GARNL3: variants seen among roughly 807,000 people sequenced by gnomAD.
GARNL3 encodes the protein GTPase activating Rap/RanGAP domain like 3.
GARNL3 carries 63 observed loss-of-function variants against 125.0 expected under a neutral mutation model. The observed-to-expected ratio is 0.50, with a 90% CI of 0.41 to 0.62. The LOEUF (loss-of-function observed/expected upper bound fraction) is 0.62, where lower values mean the gene tolerates loss of function less well. GARNL3 is among the 20% of genes least tolerant of loss of function. The pLI is 0.00. For missense variants in GARNL3, 994 were observed against 1,244.0 expected, an observed-to-expected ratio of 0.80 and a Z score of 3.02; for synonymous variants, 439 against 457.5, an observed-to-expected ratio of 0.96 and a Z score of 0.52.
At chr9:127,270,581 G>A (rs1013124946) in intron 1 of GARNL3, among the ~76,000 whole-genome samples, 5 of 152,106 alleles carry the variant, frequency 3.3e-5, no homozygotes, top group Admixed American at 6.5e-5. Flanking sequence ...GGCTTCTCAC[G>A]GCTGATCTCA....
At chr9:127,279,984 G>A (rs1423995991) in intron 1 of GARNL3, among the ~76,000 whole-genome samples, 1 of 152,220 alleles carries the variant, frequency 6.6e-6, no homozygotes, top group East Asian at 1.9e-4. Context: ...GAGTGAGATA[G>A]GATATTCTCC....
At chr9:127,321,409 C>T (rs1476893439) in intron 6 of GARNL3, among the ~76,000 whole-genome samples, 2 of 152,196 alleles carry the variant, frequency 1.3e-5, no homozygotes, top group African/African-American at 2.4e-5. Context: ...TGAGCCACCA[C>T]GCCCAGCCTG....
At chr9:127,379,880 CAAAAT>C (rs1832144488) in intron 22 of GARNL3, among the ~76,000 whole-genome samples, 1 of 151,892 alleles carries the variant, frequency 6.6e-6, no homozygotes, top group African/African-American at 2.4e-5. Flanking sequence ...GGAGAAATAC[CAAAAT>C]GCTATCAGTA....
chr9:127,368,206 C>T (rs187782848), intron 22 of GARNL3, among the ~76,000 whole-genome samples: 32 of 151,460 alleles, frequency 2.1e-4, no homozygotes, highest in South Asian at 1.3e-3. Context: ...GTGGGGCATT[C>T]GCCGAAGGGG....
At chr9:127,226,019 C>T (rs911837372) in intron 1 of GARNL3, among the ~76,000 whole-genome samples, 15 of 152,338 alleles carry the variant, frequency 9.8e-5, no homozygotes, top group African/African-American at 3.6e-4. Context: ...TCAAGTCGGC[C>T]CTACCATTTT....
At chr9:127,248,234 C>T (rs555586880) in intron 2 of GARNL3, among the ~76,000 whole-genome samples, 8 of 152,294 alleles carry the variant, frequency 5.3e-5, no homozygotes, top group Middle Eastern at 3.4e-3. Flanking sequence ...GTTGGAAGGG[C>T]GGCTGACTCG....
intron 22 of GARNL3, among the ~76,000 whole-genome samples, chr9:127,381,619 TG>T (rs2131809985): frequency 1.3e-5 from 2 of 152,202 alleles, no homozygotes; most frequent in South Asian, 4.1e-4. Context: ...TTTTTTGAGA[TG>T]GAGTCTCGCT....
At chr9:127,306,750 G>A (rs2064967145) in intron 2 of GARNL3, among the ~76,000 whole-genome samples, 1 of 151,558 alleles carries the variant, frequency 6.6e-6, no homozygotes, top group South Asian at 2.1e-4. Flanking sequence ...AAGCTGGTGT[G>A]GTGGCACACA....
chr9:127,383,953 T>C (rs1832408991), intron 23 of GARNL3, among the ~76,000 whole-genome samples: 1 of 152,156 alleles, frequency 6.6e-6, no homozygotes, highest in African/African-American at 2.4e-5. Flanking sequence ...ATATGTTTCA[T>C]AGAAATTCAG....
At chr9:127,390,841 G>T in intron 27 of GARNL3, 74 bp downstream of exon 27, 1 of 1,479,404 alleles carries the variant, frequency 6.8e-7, no homozygotes, top group Non-Finnish European at 9.2e-7. Flanking sequence ...GGCCCCTTCT[G>T]GGGATTGATA....
chr9:127,392,966 G>A lies in GARNL3; in HGVS notation c.2871-117G>A. 2.5e-6 allele frequency: 2 copies of A among 795,710 alleles called. No homozygotes were observed. Among genetic ancestry groups the A allele is most frequent in the Non-Finnish European group, 4.1e-6 (2 of 491,860 alleles). The allele number at this position is 795,710 out of a possible 1,614,324, so 49.3% of individuals were successfully genotyped here. Reference sequence around the variant, plus strand: ...ACTTCCCCACCTCTACCACATAACAGTGAGGGTTTGGTGAGCCAAACTCAT... The same window carrying A: ...ACTTCCCCACCTCTACCACATAACAATGAGGGTTTGGTGAGCCAAACTCAT... On this transcript the variant is annotated intron_variant, in intron 27 of 27. Coordinates refer to ENST00000373387, the MANE Select transcript of GARNL3 (RefSeq NM_032293.5). The surrounding 1 kb of genome is among the most constrained non-coding windows in gnomAD (Gnocchi z 5.2).
At chr9:127,321,159 G>A (rs1378029891) in intron 6 of GARNL3, among the ~76,000 whole-genome samples, 5 of 152,088 alleles carry the variant, frequency 3.3e-5, no homozygotes, top group Non-Finnish European at 7.4e-5. Context: ...TCGAAATGGA[G>A]TTTCACTCTT....
intron 21 of GARNL3, among the ~76,000 whole-genome samples, chr9:127,358,668 A>G (rs986812811): frequency 2.6e-5 from 4 of 152,212 alleles, no homozygotes; most frequent in Admixed American, 2.6e-4. Context: ...ATTATTGATC[A>G]TAGAGTGGTC....
At chr9:127,368,483 A>G (rs1433938909) in intron 22 of GARNL3, among the ~76,000 whole-genome samples, 1 of 151,416 alleles carries the variant, frequency 6.6e-6, no homozygotes, top group African/African-American at 2.4e-5. Flanking sequence ...GGCACGTGGC[A>G]CCACACCCGG....
intron 1 of GARNL3, among the ~76,000 whole-genome samples, chr9:127,232,900 T>C (rs2063044790): frequency 1.3e-5 from 2 of 152,302 alleles, no homozygotes; most frequent in African/African-American, 2.4e-5. Flanking sequence ...AGCAGAAATA[T>C]AGGACTGCTT....
At chr9:127,301,926 T>C (rs13302301) in intron 2 of GARNL3, among the ~76,000 whole-genome samples, 7 of 9,774 alleles carry the variant, frequency 7.2e-4, no homozygotes, top group African/African-American at 5.4e-3. Context: ...TTGGGAGGAC[T>C]TTTTTTTTTT....
upstream of GARNL3, among the ~76,000 whole-genome samples, chr9:127,259,887 AT>A (rs1033238308): frequency 6.1e-4 from 93 of 151,982 alleles, no homozygotes; most frequent in African/African-American, 2.2e-3. Flanking sequence ...ACAAAAAAAA[AT>A]TTTTTTAAAT....
intron 22 of GARNL3, among the ~76,000 whole-genome samples, chr9:127,378,589 A>T (rs1035128266): frequency 1.7e-3 from 1 of 588 alleles, no homozygotes; most frequent in South Asian, 0.25. Context: ...CTCCGTCACA[A>T]AAAAAAAAAA....
At chr9:127,383,646 T>A in intron 23 of GARNL3, 101 bp downstream of exon 23, 2 of 695,944 alleles carry the variant, frequency 2.9e-6, no homozygotes, top group Non-Finnish European at 4.9e-6. Flanking sequence ...ACTGCGAAAT[T>A]GCTATAAATT....
Sources: allele counts gnomAD v4.1 joint callset (sites outside exome capture counted in the v4.1 genomes callset), GRCh38; gene constraint gnomAD v4.1.1; non-coding constraint Gnocchi (gnomAD v3.1); transcripts MANE v1.5; gene names NCBI Gene and HGNC (gene_info 2026-07-23, HGNC 2026-07-21).